RYR1: variants seen among roughly 807,000 people sequenced by gnomAD.
RYR1 encodes the protein central core disease of muscle.
Under a neutral mutation model 583.5 loss-of-function variants are expected in RYR1, and 342 were observed. The observed-to-expected ratio is 0.59, with a 90% CI of 0.54 to 0.64. RYR1 has a LOEUF of 0.64. Among genes scored for constraint, RYR1 ranks in the 30% least tolerant of loss-of-function variants. The pLI is 0.00. For synonymous variants in RYR1, 2,791 were observed against 2,822.5 expected (o/e 0.99, Z 0.35); for missense variants, 6,032 against 6,917.2 (o/e 0.87, Z 4.54).
chr19:38,549,698 CTTTTTT>C (rs71165559), intron 89 of RYR1, among the ~76,000 whole-genome samples: 1 of 52,410 alleles, frequency 1.9e-5, no homozygotes, highest in Non-Finnish European at 3.2e-5. Flanking sequence ...CTTTCCTTTC[CTTTTTT>C]TTTTTTTTTT....
At chr19:38,475,810 G>T (rs1349362951) in intron 29 of RYR1, among the ~76,000 whole-genome samples, 4 of 152,150 alleles carry the variant, frequency 2.6e-5, no homozygotes, top group Non-Finnish European at 4.4e-5. Context: ...ATATTACTGG[G>T]AACAAAAATT....
chr19:38,505,242 C>T, intron 52 of RYR1, 67 bp from the exon 53 acceptor site: 2 of 1,273,762 alleles, frequency 1.6e-6, no homozygotes, highest in Non-Finnish European at 2.3e-6. Context: ...TCCTCGGCTC[C>T]TCCAGGGTCG....
At chr19:38,515,160 G>A in intron 64 of RYR1, 53 bp downstream of exon 64, 1 of 1,190,960 alleles carries the variant, frequency 8.4e-7, no homozygotes, top group Non-Finnish European at 1.3e-6. Context: ...GGGGAAGGGA[G>A]GGAGCAGGGG....
chr19:38,466,753 G>A (rs932371613), intron 24 of RYR1, among the ~76,000 whole-genome samples: 2 of 151,844 alleles, frequency 1.3e-5, no homozygotes, highest in African/African-American at 4.8e-5. Context: ...CGCCTGCCTC[G>A]GACTCCCAAA....
Position 38,496,513 on chromosome 19 carries a change from C to A in RYR1, c.6768C>A (p.Tyr2256Ter). ...NQRSMFDHLS[Y>*]LLENSGIGLG... ...GCTCCATGTTTGACCACCTGAGCTA[C>A]CTGCTGGAGAACAGTGGCATCGGCC... is the stretch of plus-strand genomic sequence containing the variant. The change falls in exon 41 of 106, where the codon TAC (tyrosine) becomes TAA (stop). Residue 2256 changes from tyrosine to a stop codon, truncating the protein, a stop_gained. Coordinates refer to ENST00000359596, the MANE Select transcript of RYR1 (RefSeq NM_000540.3). LOFTEE classifies it high-confidence loss of function. This position sits in a 1 kb window ranked among gnomAD's most constrained non-coding sequence, Gnocchi z 4.8. 1 of 1,613,572 alleles carries A rather than the reference C, an allele frequency of 6.2e-7. No individual in the cohort carries two copies. Among genetic ancestry groups the A allele is most frequent in the Non-Finnish European group, 8.5e-7 (1 of 1,180,040 alleles).
intron 29 of RYR1, among the ~76,000 whole-genome samples, chr19:38,475,766 AAC>A (rs1356359795): frequency 2.0e-5 from 3 of 152,236 alleles, no homozygotes; most frequent in African/African-American, 7.2e-5. Flanking sequence ...CACTCATATA[AAC>A]ACAATACCCT....
chr19:38,473,699 CGG>C lies in RYR1; in HGVS notation c.4093_4094del (p.Gly1365ArgfsTer10). ...GGCGCCCCCGGGGGCACCCCGCAGGCGGGGGGAGAGGCGCAGCCCGCCAGGGC... is the reference window on the plus strand; with the variant it reads ...GGCGCCCCCGGGGGCACCCCGCAGGCGGGGAGAGGCGCAGCCCGCCAGGGC... On this transcript the variant is annotated frameshift_variant, in exon 28 of 106. Coordinates refer to ENST00000359596, the MANE Select transcript of RYR1 (RefSeq NM_000540.3). LOFTEE classifies it high-confidence loss of function. The C allele has an allele frequency of 6.5e-7, 1 of 1,545,066 alleles. No individual in the cohort carries two copies. Among genetic ancestry groups the C allele is most frequent in the South Asian group, 1.2e-5 (1 of 83,196 alleles).
In RYR1 at chr19:38,515,076, C is replaced by T. The variant is rs528199298; in HGVS notation, c.9523C>T (p.Leu3175=). 3.7e-6 allele frequency: 6 copies of T among 1,612,532 alleles called. No individual in the cohort carries two copies. The highest frequency in any genetic ancestry group is 2.2e-5 in the East Asian group (1 of 44,816). ...CCGAACGCTGTGCAGTATCTACTCC[C>T]TGGGAACCACCAAGAACACTTATGT... is the stretch of plus-strand genomic sequence containing the variant. ...CYRTLCSIYS[L]GTTKNTYVEK... The change falls in exon 64 of 106, where the codon CTG becomes TTG. Residue 3175 remains leucine, a synonymous_variant. Coordinates refer to ENST00000359596, the MANE Select transcript of RYR1 (RefSeq NM_000540.3).
chr19:38,503,089 T>C (rs1253444675), intron 49 of RYR1, 119 bp downstream of exon 49: 1 of 901,422 alleles, frequency 1.1e-6, no homozygotes, highest in African/African-American at 1.6e-5. Flanking sequence ...CTGCACTAGT[T>C]AGGGCAGCGT....
intron 10 of RYR1, 33 bp downstream of exon 10, chr19:38,448,544 G>C: frequency 6.2e-7 from 1 of 1,614,124 alleles, no homozygotes; most frequent in Non-Finnish European, 8.5e-7. Flanking sequence ...TCCCTCACCT[G>C]AAGCCCCCAG....
Position 38,433,745 on chromosome 19 carries a change from A to ACCCCCC in RYR1, c.-85_-84insCCCCCC. The ACCCCCC allele has an allele frequency of 6.0e-6, 3 of 498,368 alleles. No individual in the cohort carries two copies. The highest frequency in any genetic ancestry group is 7.8e-6 in the Non-Finnish European group (2 of 256,700). The allele number at this position is 498,368 out of a possible 1,614,324, so 30.9% of individuals were successfully genotyped here. On this transcript the variant is annotated 5_prime_UTR_variant, in exon 1 of 106. Transcript: ENST00000359596. ...GGTGTCTCCAGAGGTCTCCGACCCC[A>ACCCCCC]GCCCGCCCCCAGCCCTCCCGCCCAG... is the stretch of plus-strand genomic sequence containing the variant.
chr19:38,463,580 AG>A, intron 21 of RYR1, 53 bp downstream of exon 21: 4 of 1,569,462 alleles, frequency 2.5e-6, no homozygotes, highest in Non-Finnish European at 3.5e-6. Flanking sequence ...CGGTGCCAGG[AG>A]GGAGAGCGGC....
At position 38,502,670 on chromosome 19, in the gene RYR1, G is replaced by A. The variant is rs751180702; in HGVS notation, c.7778G>A (p.Arg2593His). 78 of 1,610,384 alleles carry A rather than the reference G, an allele frequency of 4.8e-5. No individual in the cohort carries two copies. Among genetic ancestry groups the A allele is most frequent in the Middle Eastern group, 1.6e-4 (1 of 6,084 alleles). The change falls in exon 48 of 106, where the codon CGT becomes CAT. Residue 2593 changes from arginine (R) to histidine (H), a missense_variant. Around this residue, in one of 11 missense-constraint regions of RYR1, gnomAD observed 250 missense variants for 162.3 expected, o/e 1.54. Transcript: ENST00000359596. ...ACCGTGTACCGCCTGTCTCGGGGTCGTTCGCTCACCAAGGCGCAGCGTGAC... is the reference window on the plus strand; with the variant it reads ...ACCGTGTACCGCCTGTCTCGGGGTCATTCGCTCACCAAGGCGCAGCGTGAC... ...LHTVYRLSRGRSLTKAQRDVI... is the reference protein window; with the variant it reads ...LHTVYRLSRGHSLTKAQRDVI...
chr19:38,505,674 G>T lies in RYR1; in HGVS notation c.8401-132G>T. 5.2e-6 allele frequency: 6 copies of T among 1,149,944 alleles called. No homozygotes were observed. The South Asian group carries it at 8.2e-5, about 16-fold the overall frequency. 71.2% of individuals were successfully genotyped at this position (1,149,944 alleles called of 1,614,324 possible). Reference sequence around the variant, plus strand: ...TTTGGGAGGCTCTGTTACAGAGCAGGTAAGAGACTTGAGTTGGAATCCAGA... The same window carrying T: ...TTTGGGAGGCTCTGTTACAGAGCAGTTAAGAGACTTGAGTTGGAATCCAGA... On this transcript the variant is annotated intron_variant, in intron 53 of 105. Coordinates refer to ENST00000359596, the MANE Select transcript of RYR1 (RefSeq NM_000540.3).
intron 49 of RYR1, 113 bp downstream of exon 49, chr19:38,503,083 A>G (rs905057029): frequency 5.1e-6 from 5 of 984,078 alleles, no homozygotes; most frequent in African/African-American, 1.6e-5. Flanking sequence ...ATAAACCTGC[A>G]CTAGTTAGGG....
At chr19:38,478,899 C>G (rs1830504821) in intron 31 of RYR1, among the ~76,000 whole-genome samples, 1 of 152,188 alleles carries the variant, frequency 6.6e-6, no homozygotes, top group Admixed American at 6.5e-5. Context: ...TCCTGAGTAG[C>G]TGGGATTACA....
At chr19:38,507,668 G>A (rs1970534795) in intron 57 of RYR1, 44 bp from the exon 58 acceptor site, 1 of 1,252,198 alleles carries the variant, frequency 8.0e-7, no homozygotes, top group African/African-American at 1.5e-5. Context: ...GGAAACTGTA[G>A]GGCCGGCGTC....
chr19:38,570,741 G>C, intron 94 of RYR1, 48 bp downstream of exon 94: 1 of 1,444,490 alleles, frequency 6.9e-7, no homozygotes, highest in Non-Finnish European at 9.7e-7. Flanking sequence ...TCCATGCTGT[G>C]GGATGGGAGG....
rs989913589 is a variant in RYR1 at position 38,517,693 on chromosome 19, T to G, written c.10018+2T>G. On this transcript the variant is annotated splice_donor_variant, in intron 66 of 105. Transcript: ENST00000359596. LOFTEE classifies it high-confidence loss of function. ...CCTCCTGGATGAAGCGGCTGGCTGG[T>G]GGGTCGGGGGGCACTGGGCCTCTGA... 1.2e-6 allele frequency: 2 copies of G among 1,613,592 alleles called. No homozygotes were observed. Among genetic ancestry groups the G allele is most frequent in the South Asian group, 1.1e-5 (1 of 91,064 alleles).
Sources: allele counts gnomAD v4.1 joint callset (sites outside exome capture counted in the v4.1 genomes callset), GRCh38; gene constraint gnomAD v4.1.1; regional missense constraint gnomAD v4.1.1; non-coding constraint Gnocchi (gnomAD v3.1); transcripts MANE v1.5; gene names NCBI Gene and HGNC (gene_info 2026-07-23, HGNC 2026-07-21).